The following BEAN1 variants were observed in gnomAD, a reference collection of about 807,000 sequenced individuals.
BEAN1 encodes the protein brain expressed associated with NEDD4 1.
A neutral mutation model predicts 17.7 loss-of-function variants in BEAN1; 17 were observed. The ratio of observed to expected loss-of-function variants is 0.96; its 90% CI spans 0.66 to 1.44. The LOEUF (loss-of-function observed/expected upper bound fraction) is 1.44. Ranked by LOEUF, BEAN1 falls within the 40% of genes most tolerant of loss-of-function variation. BEAN1 has a pLI of 0.00. For synonymous variants in BEAN1, 142 were observed against 151.8 expected, an observed-to-expected ratio of 0.94 and a Z score of 0.47; for missense variants, 359 against 374.1, an observed-to-expected ratio of 0.96 and a Z score of 0.33.
intron 1 of BEAN1, among the ~76,000 whole-genome samples, chr16:66,436,599 A>ATTTTTTT: frequency 6.9e-6 from 1 of 144,472 alleles, no homozygotes; most frequent in Non-Finnish European, 1.5e-5. Flanking sequence ...TTTTAAAGAG[A>ATTTTTTT]GGGTCTCACT....
intron 2 of BEAN1, among the ~76,000 whole-genome samples, chr16:66,442,774 C>T (rs1962306768): frequency 6.6e-6 from 1 of 152,152 alleles, no homozygotes. Flanking sequence ...TAGCTTGGTG[C>T]CTGGCACTGA....
intron 4 of BEAN1, chr16:66,478,187 C>G (rs1298965660): frequency 1.3e-5 from 2 of 153,224 alleles, no homozygotes; most frequent in Non-Finnish European, 1.5e-5. Context: ...AGGGGACAAG[C>G]CCATATGCTG....
intron 3 of BEAN1, among the ~76,000 whole-genome samples, chr16:66,470,362 A>G (rs1287866195): frequency 6.6e-6 from 1 of 151,778 alleles, no homozygotes; most frequent in African/African-American, 2.4e-5. Flanking sequence ...GGGTGGAGAG[A>G]TGGATGGGTG....
intron 4 of BEAN1, among the ~76,000 whole-genome samples, chr16:66,478,820 G>A (rs1461339412): frequency 1.3e-5 from 2 of 152,176 alleles, no homozygotes; most frequent in African/African-American, 4.8e-5. Flanking sequence ...CCTTTGTCAA[G>A]GGTGTGTGGT....
intron 2 of BEAN1, among the ~76,000 whole-genome samples, chr16:66,462,286 A>G (rs1963115041): frequency 6.6e-6 from 1 of 152,242 alleles, no homozygotes; most frequent in Non-Finnish European, 1.5e-5. Context: ...TTTAGTTTAC[A>G]GTAGCCAAGG....
At chr16:66,494,774 T>C (rs1030745987), downstream of BEAN1, among the ~76,000 whole-genome samples, 1 of 152,230 alleles carries the variant, frequency 6.6e-6, no homozygotes, top group South Asian at 2.1e-4. Flanking sequence ...GCACCCCCTC[T>C]ACCTGCCATC....
At chr16:66,448,840 GAAAGA>G (rs2142396496) in intron 2 of BEAN1, among the ~76,000 whole-genome samples, 1 of 152,000 alleles carries the variant, frequency 6.6e-6, no homozygotes, top group African/African-American at 2.4e-5. Flanking sequence ...GAAAAAGAAA[GAAAGA>G]AAAGAAACAC....
At position 66,477,630 on chromosome 16, in the gene BEAN1, G is replaced by GC; in HGVS notation, c.365dup (p.Pro123ThrfsTer7). 1 of 1,551,192 alleles carries GC rather than the reference G, an allele frequency of 6.4e-7. No homozygotes were observed. The highest frequency in any genetic ancestry group is 2.4e-5 in the East Asian group (1 of 40,870). On this transcript the variant is annotated frameshift_variant, in exon 4 of 5. Transcript: ENST00000536005. LOFTEE classifies it high-confidence loss of function. ...ATGCCTGCAGCTCCTCAGAGGACTG[G>GC]CCCCCACCCTTGGACATCAGCTCTG... is the stretch of plus-strand genomic sequence containing the variant.
chr16:66,492,989 G>A (rs1328186962), exon 5 of BEAN1: 1 of 703,008 alleles, frequency 1.4e-6, no homozygotes, highest in Non-Finnish European at 2.6e-6. Context: ...TACCTACTGG[G>A]TGCGATCTAT....
chr16:66,440,564 G>A (rs1304767747), intron 2 of BEAN1, among the ~76,000 whole-genome samples: 2 of 152,170 alleles, frequency 1.3e-5, no homozygotes, highest in Admixed American at 6.5e-5. Context: ...AGTGGTGGAA[G>A]AGCAGGGATT....
intron 1 of BEAN1, among the ~76,000 whole-genome samples, chr16:66,431,382 T>C (rs1961792705): frequency 6.6e-6 from 1 of 152,242 alleles, no homozygotes; most frequent in East Asian, 1.9e-4. Flanking sequence ...ACAAAATGTT[T>C]TTTTGAGTCT....
chr16:66,431,224 G>C (rs1961786093), intron 1 of BEAN1, among the ~76,000 whole-genome samples: 1 of 152,214 alleles, frequency 6.6e-6, no homozygotes, highest in Non-Finnish European at 1.5e-5. Flanking sequence ...AGCTGCTCCA[G>C]AGGCTGAGGC....
intron 1 of BEAN1, among the ~76,000 whole-genome samples, chr16:66,435,254 C>T (rs1961969528): frequency 6.6e-6 from 1 of 152,158 alleles, no homozygotes; most frequent in South Asian, 2.1e-4. Context: ...AGTCCCTCTG[C>T]ACACAGCTCT....
intron 1 of BEAN1, among the ~76,000 whole-genome samples, chr16:66,428,653 A>G (rs1226032738): frequency 6.6e-6 from 1 of 152,028 alleles, no homozygotes; most frequent in Non-Finnish European, 1.5e-5. Context: ...AGTTGGGAGG[A>G]TTAAATGAGA....
rs1032686374 is a variant in BEAN1 at position 66,455,849 on chromosome 16, A to G, written c.26-13753A>G. Among the ~76,000 whole-genome samples the G allele has an allele frequency of 6.6e-5, 10 of 152,120 alleles. 1 individual carries two copies. The highest frequency in any genetic ancestry group is 6.6e-4 in the Admixed American group (10 of 15,266). On this transcript the variant is annotated intron_variant, in intron 2 of 4. Coordinates refer to ENST00000536005, the MANE Select transcript of BEAN1 (RefSeq NM_001178020.3). ...CTACAGGCACACGCCACCATGCCCAACTAATTTTGGTATTTTTTTAAGAGT... is the reference window on the plus strand; with the variant it reads ...CTACAGGCACACGCCACCATGCCCAGCTAATTTTGGTATTTTTTTAAGAGT...
intron 3 of BEAN1, among the ~76,000 whole-genome samples, chr16:66,472,129 C>G (rs139002013): frequency 6.6e-6 from 1 of 152,254 alleles, no homozygotes; most frequent in Non-Finnish European, 1.5e-5. Flanking sequence ...GCCTTCCAGG[C>G]CCCGCTCAAA....
rs533744789 is a variant in BEAN1, at chr16:66,480,789, C to A, written c.644C>A (p.Pro215His). 51 of 1,550,066 alleles carry A rather than the reference C, an allele frequency of 3.3e-5. No homozygotes were observed. Among genetic ancestry groups the A allele is most frequent in the African/African-American group, 4.1e-5 (3 of 73,056 alleles). The change falls in exon 5 of 5, where the codon CCC (proline) becomes CAC (histidine). Residue 215 changes from proline (P) to histidine (H), a missense_variant. Coordinates refer to ENST00000536005, the MANE Select transcript of BEAN1 (RefSeq NM_001178020.3). ...LHTVSMDTLP[P>H]YEAVCGAGPP... ...ACGGTCTCCATGGACACCCTTCCCC[C>A]CTACGAGGCTGTGTGCGGGGCTGGC...
intron 2 of BEAN1, among the ~76,000 whole-genome samples, chr16:66,445,958 G>A (rs1020806982): frequency 6.6e-6 from 1 of 152,148 alleles, no homozygotes; most frequent in Non-Finnish European, 1.5e-5. Flanking sequence ...CGAGGACGAT[G>A]GATCACCTGA....
intron 1 of BEAN1, among the ~76,000 whole-genome samples, chr16:66,429,531 T>G (rs568962838): frequency 1.1e-3 from 172 of 152,242 alleles, no homozygotes; most frequent in African/African-American, 3.9e-3. Context: ...CCTGGCCACC[T>G]GTGCTGTGTG....
Sources: gnomAD v4.1 joint callset for allele counts (sites outside exome capture counted in the v4.1 genomes callset) on GRCh38, gnomAD v4.1.1 for gene constraint, MANE v1.5 for transcripts, NCBI Gene and HGNC (gene_info 2026-07-23, HGNC 2026-07-21) for gene names.